The following NOTCH2NLB variants were observed in gnomAD, a reference collection of about 807,000 sequenced individuals.
NOTCH2NLB encodes notch 2 N-terminal like B.
Under a neutral mutation model 14.8 loss-of-function variants are expected in NOTCH2NLB, and 1 was observed. The ratio of observed to expected loss-of-function variants is 0.07; its 90% CI spans 0.02 to 0.32. NOTCH2NLB has a LOEUF of 0.32. Ranked by LOEUF, NOTCH2NLB falls within the 10% of genes least tolerant of loss-of-function variation. The pLI, the probability that NOTCH2NLB is intolerant of heterozygous loss-of-function variation, is 1.00. For missense variants in NOTCH2NLB, 11 were observed against 155.0 expected (o/e 0.07, Z 4.93); for synonymous variants, 6 against 57.5 (o/e 0.10, Z 4.05).
At chr1:148,670,529 TAAA>T (rs1222724470) in intron 1 of NOTCH2NLB, among the ~76,000 whole-genome samples, 14 of 96,058 alleles carry the variant, frequency 1.5e-4, no homozygotes, top group African/African-American at 2.8e-4. Flanking sequence ...GTTCATAAAC[TAAA>T]AAAAAAAATA....
At chr1:148,605,395 T>A (rs1299387939), downstream of NOTCH2NLB, among the ~76,000 whole-genome samples, 1 of 144,150 alleles carries the variant, frequency 6.9e-6, no homozygotes, top group African/African-American at 2.7e-5. Flanking sequence ...TTTCTCTTCA[T>A]TGAATCTCCC....
At chr1:148,673,781 T>C (rs1378612399) in intron 1 of NOTCH2NLB, among the ~76,000 whole-genome samples, 1 of 149,072 alleles carries the variant, frequency 6.7e-6, no homozygotes, top group African/African-American at 2.4e-5. Flanking sequence ...AACCTGTCTC[T>C]AATACTCTCA....
At chr1:148,661,451 AAT>A (rs1664681835) in intron 1 of NOTCH2NLB, among the ~76,000 whole-genome samples, 1 of 149,138 alleles carries the variant, frequency 6.7e-6, no homozygotes. Context: ...CAAAGCCATA[AAT>A]ATTCCTTTAA....
At chr1:148,610,359 A>AAGAC (rs1663655704) in intron 3 of NOTCH2NLB, among the ~76,000 whole-genome samples, 3 of 116,964 alleles carry the variant, frequency 2.6e-5, no homozygotes, top group Non-Finnish European at 5.4e-5. Flanking sequence ...GAAAGAAAGA[A>AAGAC]AGAAAGAAAG....
chr1:148,651,164 T>A (rs1160957340), intron 1 of NOTCH2NLB, among the ~76,000 whole-genome samples: 1,365 of 36,700 alleles, frequency 0.037, no homozygotes, highest in African/African-American at 0.057. Flanking sequence ...AAAAAAAAAA[T>A]ATATATATAT....
intron 1 of NOTCH2NLB, among the ~76,000 whole-genome samples, chr1:148,670,464 C>T (rs1378916008): frequency 1.4e-5 from 2 of 139,364 alleles, no homozygotes; most frequent in African/African-American, 2.6e-5. Flanking sequence ...AAAAATAAAA[C>T]CTAGTGTTGA....
intron 2 of NOTCH2NLB, among the ~76,000 whole-genome samples, chr1:148,637,068 T>TTTC (rs1664218023): frequency 7.3e-5 from 1 of 13,654 alleles, no homozygotes; most frequent in Non-Finnish European, 1.1e-4. Flanking sequence ...CTCCATTTTC[T>TTTC]TTTTTTTTTT....
intron 2 of NOTCH2NLB, among the ~76,000 whole-genome samples, chr1:148,637,813 A>G (rs1664245044): frequency 7.2e-6 from 1 of 139,308 alleles, no homozygotes; most frequent in Non-Finnish European, 1.6e-5. Flanking sequence ...TCATTGTTCA[A>G]CTCCCACTTA....
At chr1:148,680,650 CTATT>C (rs1269896653), upstream of NOTCH2NLB, among the ~76,000 whole-genome samples, 1 of 136,482 alleles carries the variant, frequency 7.3e-6, no homozygotes, top group Non-Finnish European at 1.6e-5. Flanking sequence ...AAGACTATAG[CTATT>C]TATGTCAATA....
intron 1 of NOTCH2NLB, among the ~76,000 whole-genome samples, chr1:148,670,355 C>A (rs1470205913): frequency 7.0e-6 from 1 of 143,620 alleles, no homozygotes; most frequent in African/African-American, 2.5e-5. Context: ...AAAGGCAATA[C>A]AAACGCCACT....
intron 3 of NOTCH2NLB, among the ~76,000 whole-genome samples, chr1:148,608,633 AT>A: frequency 6.6e-6 from 1 of 150,760 alleles, no homozygotes; most frequent in African/African-American, 2.4e-5. Context: ...ATATATCGAT[AT>A]TTTCCACAAA....
intron 1 of NOTCH2NLB, among the ~76,000 whole-genome samples, chr1:148,647,071 A>AT (rs1455521893): frequency 9.7e-6 from 1 of 102,794 alleles, no homozygotes; most frequent in African/African-American, 3.5e-5. Flanking sequence ...AACATGAGTA[A>AT]TTAAGTCTGT....
intron 2 of NOTCH2NLB, among the ~76,000 whole-genome samples, chr1:148,623,906 C>A (rs1663938589): frequency 1.2e-5 from 1 of 82,382 alleles, no homozygotes. Flanking sequence ...CATCTCTACT[C>A]TGTGATCTGT....
At chr1:148,673,826 C>T (rs1483355879) in intron 1 of NOTCH2NLB, among the ~76,000 whole-genome samples, 154 of 128,304 alleles carry the variant, frequency 1.2e-3, no homozygotes, top group African/African-American at 4.0e-3. Flanking sequence ...ACTTTGATTT[C>T]CCAGATTCAC....
chr1:148,634,302 C>A (rs1281660145), intron 2 of NOTCH2NLB, among the ~76,000 whole-genome samples: 2 of 150,144 alleles, frequency 1.3e-5, no homozygotes, highest in East Asian at 1.9e-4. Context: ...GCTGGCAGAA[C>A]CAGTTTCAGC....
At chr1:148,643,309 CA>C (rs1664315854) in intron 1 of NOTCH2NLB, among the ~76,000 whole-genome samples, 1 of 104,138 alleles carries the variant, frequency 9.6e-6, no homozygotes, top group Non-Finnish European at 1.8e-5. Context: ...GCGGGTGGAT[CA>C]CGAGGTCAGG....
At chr1:148,661,525 T>A (rs1416718120) in intron 1 of NOTCH2NLB, among the ~76,000 whole-genome samples, 38 of 149,628 alleles carry the variant, frequency 2.5e-4, no homozygotes, top group Non-Finnish European at 2.0e-4. Context: ...ATAATACATA[T>A]ATAATTTTCT....
chr1:148,605,397 G>A (rs2149596204), downstream of NOTCH2NLB, among the ~76,000 whole-genome samples: 1 of 143,712 alleles, frequency 7.0e-6, no homozygotes, highest in East Asian at 2.0e-4. Flanking sequence ...TCTCTTCATT[G>A]AATCTCCCCA....
intron 1 of NOTCH2NLB, among the ~76,000 whole-genome samples, chr1:148,646,011 T>G (rs1664364989): frequency 6.8e-6 from 1 of 146,326 alleles, no homozygotes; most frequent in Non-Finnish European, 1.5e-5. Flanking sequence ...GGCTATTTTG[T>G]CCCTTCCAAA....
Sources: allele counts gnomAD v4.1 joint callset (sites outside exome capture counted in the v4.1 genomes callset), GRCh38; gene constraint gnomAD v4.1.1; transcripts MANE v1.5; gene names NCBI Gene and HGNC (gene_info 2026-07-23, HGNC 2026-07-21).